FNBP1: variants seen among roughly 807,000 people sequenced by gnomAD.
FNBP1 encodes formin binding protein 1.
FNBP1 carries 26 observed loss-of-function variants against 90.6 expected under a neutral mutation model. The ratio of observed to expected loss-of-function variants is 0.29; its 90% CI spans 0.21 to 0.40. The LOEUF is 0.40. FNBP1 is among the 10% of genes least tolerant of loss of function. The pLI is 1.00. For missense variants in FNBP1, 635 were observed against 768.0 expected, an observed-to-expected ratio of 0.83 and a Z score of 2.05; for synonymous variants, 260 against 265.2, an observed-to-expected ratio of 0.98 and a Z score of 0.19.
intron 6 of FNBP1, among the ~76,000 whole-genome samples, chr9:129,950,749 C>A (rs1255907959): frequency 1.3e-5 from 2 of 152,148 alleles, no homozygotes; most frequent in Non-Finnish European, 2.9e-5. Flanking sequence ...TTCATAATTA[C>A]ACACAGTCTG....
intron 16 of FNBP1, among the ~76,000 whole-genome samples, chr9:129,893,193 T>C (rs1261424041): frequency 6.6e-6 from 1 of 152,096 alleles, no homozygotes; most frequent in Non-Finnish European, 1.5e-5. Context: ...TTCCTACTGC[T>C]CATTTAAACA....
chr9:130,001,843 GT>G (rs1819200875), intron 1 of FNBP1, among the ~76,000 whole-genome samples: 1 of 151,978 alleles, frequency 6.6e-6, no homozygotes, highest in Admixed American at 6.6e-5. Flanking sequence ...GGCCAACATG[GT>G]GAAACCCCAT....
chr9:129,930,058 ATTT>A (rs374886919), intron 6 of FNBP1, among the ~76,000 whole-genome samples: 1 of 138,262 alleles, frequency 7.2e-6, no homozygotes, highest in Admixed American at 7.3e-5. Context: ...TGAGAAATTC[ATTT>A]TTTTTTTTTC....
At position 130,042,113 on chromosome 9, in the gene FNBP1, G is replaced by A. The variant is rs1415652713; in HGVS notation, c.24+839C>T. On this transcript the variant is annotated intron_variant, in intron 1 of 16. Transcript: ENST00000446176. The surrounding 1 kb of genome is among the most constrained non-coding windows in gnomAD (Gnocchi z 5.5). Reference sequence around the variant, plus strand: ...TCCACAGCCAGCCCCTCGCCTTTCCGGGGACGGCCCTCAGCCCTGAGGGCT... The same window carrying A: ...TCCACAGCCAGCCCCTCGCCTTTCCAGGGACGGCCCTCAGCCCTGAGGGCT... Among the ~76,000 whole-genome samples the A allele has an allele frequency of 1.3e-5, 2 of 151,892 alleles. No homozygotes were observed. The highest frequency in any genetic ancestry group is 2.9e-5 in the Non-Finnish European group (2 of 67,962).
chr9:130,026,433 G>A (rs2132040100), intron 1 of FNBP1, among the ~76,000 whole-genome samples: 2 of 152,226 alleles, frequency 1.3e-5, no homozygotes, highest in South Asian at 4.1e-4. Context: ...GGCGGAGGTT[G>A]CAGTGAGCAG....
intron 2 of FNBP1, among the ~76,000 whole-genome samples, chr9:129,988,531 G>T (rs976591586): frequency 6.6e-6 from 1 of 152,082 alleles, no homozygotes; most frequent in Non-Finnish European, 1.5e-5. Flanking sequence ...ACAAAAATTA[G>T]CCAGGCATGG....
At chr9:130,028,679 T>C (rs1049852019) in intron 1 of FNBP1, among the ~76,000 whole-genome samples, 2 of 152,186 alleles carry the variant, frequency 1.3e-5, no homozygotes, top group Non-Finnish European at 2.9e-5. Context: ...GGTAAACACT[T>C]TGGCAAACAG....
chr9:130,038,338 G>T (rs112160808), intron 1 of FNBP1, among the ~76,000 whole-genome samples: 3,917 of 134,180 alleles, frequency 0.029, 219 homozygotes, highest in African/African-American at 0.1. Context: ...CAGCCTGGGC[G>T]ACAGAGTGAG....
At chr9:129,949,407 C>T (rs1275884493) in intron 6 of FNBP1, among the ~76,000 whole-genome samples, 1 of 152,146 alleles carries the variant, frequency 6.6e-6, no homozygotes, top group African/African-American at 2.4e-5. Flanking sequence ...CTTATATCTA[C>T]TTTATACTGT....
intron 13 of FNBP1, among the ~76,000 whole-genome samples, chr9:129,901,703 G>C (rs2036976407): frequency 6.6e-6 from 1 of 152,046 alleles, no homozygotes; most frequent in Admixed American, 6.6e-5. Flanking sequence ...TCTGAGGTCA[G>C]GAGTTCGAGA....
At chr9:130,001,493 T>A (rs1202739262) in intron 1 of FNBP1, among the ~76,000 whole-genome samples, 1 of 152,160 alleles carries the variant, frequency 6.6e-6, no homozygotes, top group Non-Finnish European at 1.5e-5. Flanking sequence ...ATAAAATAGT[T>A]TTGACCTTGT....
At chr9:130,053,797 C>A in the FNBP1 span, 1 of 801,688 alleles carries the variant, frequency 1.2e-6, no homozygotes, top group Non-Finnish European at 2.0e-6. Flanking sequence ...CTTCCTAGGT[C>A]GCAATCTCCA....
At chr9:129,980,347 C>T (rs62583656) in intron 2 of FNBP1, among the ~76,000 whole-genome samples, 10,100 of 144,694 alleles carry the variant, frequency 0.07, 430 homozygotes, top group Middle Eastern at 0.15. Context: ...GCAACAAGAG[C>T]GAAACTCCAT....
chr9:130,045,804 T>A (rs2060056886), upstream of FNBP1, among the ~76,000 whole-genome samples: 1 of 152,230 alleles, frequency 6.6e-6, no homozygotes, highest in African/African-American at 2.4e-5. Context: ...GAAAAAAGGC[T>A]AAAATATAGC....
intron 8 of FNBP1, among the ~76,000 whole-genome samples, chr9:129,925,536 C>T (rs1447986361): frequency 6.8e-6 from 1 of 147,400 alleles, no homozygotes; most frequent in East Asian, 2.0e-4. Flanking sequence ...TGATCTCATA[C>T]AGATGATAAC....
chr9:130,030,971 G>A (rs2058752762), intron 1 of FNBP1, among the ~76,000 whole-genome samples: 1 of 152,098 alleles, frequency 6.6e-6, no homozygotes, highest in African/African-American at 2.4e-5. Context: ...CCCAGCTGGT[G>A]GAAAAAAGGA....
intron 6 of FNBP1, chr9:129,936,423 C>T (rs569168075): frequency 3.3e-5 from 5 of 152,370 alleles, no homozygotes; most frequent in African/African-American, 1.2e-4. Flanking sequence ...TGGCGGCCAC[C>T]CAGAGGCTGG....
intron 11 of FNBP1, among the ~76,000 whole-genome samples, chr9:129,914,755 G>GTGTA (rs71499203): frequency 0.084 from 8,208 of 98,098 alleles, 1,005 homozygotes; most frequent in Non-Finnish European, 0.11. Context: ...ACATACATAT[G>GTGTA]TCTATATATA....
intron 1 of FNBP1, among the ~76,000 whole-genome samples, chr9:130,035,253 C>A (rs1266115386): frequency 6.6e-6 from 1 of 152,202 alleles, no homozygotes; most frequent in African/African-American, 2.4e-5. Flanking sequence ...CACCCCCAGC[C>A]AATGACTAAG....
Sources: gnomAD v4.1 joint callset for allele counts (sites outside exome capture counted in the v4.1 genomes callset) on GRCh38, gnomAD v4.1.1 for gene constraint, Gnocchi (gnomAD v3.1) non-coding constraint, MANE v1.5 for transcripts, NCBI Gene and HGNC (gene_info 2026-07-23, HGNC 2026-07-21) for gene names.